The following ZCCHC4 variants were observed in gnomAD, a reference collection of about 807,000 sequenced individuals.
ZCCHC4 encodes zinc finger CCHC-type containing 4.
ZCCHC4 carries 54 observed loss-of-function variants against 67.7 expected under a neutral mutation model. The observed-to-expected ratio is 0.80, with a 90% CI of 0.64 to 1.00. The LOEUF is 1.00. Ranked by LOEUF, ZCCHC4 falls within the 50% of genes least tolerant of loss-of-function variation. The pLI is 0.00. For missense variants in ZCCHC4, 609 were observed against 617.0 expected (o/e 0.99, Z 0.14); for synonymous variants, 198 against 213.5 (o/e 0.93, Z 0.63).
chr4:25,360,835 G>A (rs1036701853), intron 8 of ZCCHC4, among the ~76,000 whole-genome samples: 1 of 152,184 alleles, frequency 6.6e-6, no homozygotes, highest in Non-Finnish European at 1.5e-5. Context: ...TAGCCAAGGT[G>A]CTACTGCTGC....
rs940941398 is a variant in ZCCHC4, at chr4:25,327,672, G to T, written c.330-5511G>T. 5.3e-5 allele frequency among the ~76,000 whole-genome samples: 8 copies of T among 152,026 alleles called. No homozygotes were observed. The East Asian group carries it at 1.5e-3, about 29-fold the overall frequency. On this transcript the variant is annotated intron_variant, in intron 3 of 12. Transcript: ENST00000302874. ...TTTTTTTACTTTTTGAAGAGATGAGGATCTTACTGTGTTGCCCAGGCAGGT... is the reference window on the plus strand; with the variant it reads ...TTTTTTTACTTTTTGAAGAGATGAGTATCTTACTGTGTTGCCCAGGCAGGT...
chr4:25,335,289 A>AT (rs1190896888), intron 5 of ZCCHC4, among the ~76,000 whole-genome samples: 1 of 152,172 alleles, frequency 6.6e-6, no homozygotes, highest in African/African-American at 2.4e-5. Context: ...CCTACTAAAA[A>AT]TAAAAAAAAT....
intron 5 of ZCCHC4, among the ~76,000 whole-genome samples, chr4:25,340,667 A>G (rs1338678135): frequency 6.6e-6 from 1 of 152,178 alleles, no homozygotes; most frequent in African/African-American, 2.4e-5. Context: ...ATTTCTTTAA[A>G]TGATATTTTG....
chr4:25,351,628 C>G lies in ZCCHC4; in HGVS notation c.950C>G (p.Pro317Arg). 6.2e-7 allele frequency: 1 copy of G among 1,611,994 alleles called. No homozygotes were observed. Among genetic ancestry groups the G allele is most frequent in the South Asian group, 1.1e-5 (1 of 90,854 alleles). The change falls in exon 8 of 13, where the codon CCC becomes CGC. Residue 317 changes from proline to arginine, a missense_variant. By Grantham distance (103) the Pro-to-Arg change is moderately radical (BLOSUM62 -2). Transcript: ENST00000302874. Reference sequence around the variant, plus strand: ...GAACTACCCATTTTCTGGATTTTCCCCTATTTTTTTGAATCCCGAATTTGT... The same window carrying G: ...GAACTACCCATTTTCTGGATTTTCCGCTATTTTTTTGAATCCCGAATTTGT... The part of the protein sequence containing the change: ...HKELPIFWIF[P>R]YFFESRICQF...
intron 3 of ZCCHC4, among the ~76,000 whole-genome samples, chr4:25,318,707 T>A (rs1464891455): frequency 2.0e-5 from 3 of 152,148 alleles, no homozygotes; most frequent in Admixed American, 1.3e-4. Flanking sequence ...TTGATAAAAA[T>A]TTTTTTGAAA....
intron 3 of ZCCHC4, among the ~76,000 whole-genome samples, chr4:25,328,158 A>T (rs1718988406): frequency 1.3e-5 from 2 of 152,080 alleles, no homozygotes; most frequent in Admixed American, 1.3e-4. Context: ...ATTGGTATTG[A>T]CCCAATGTCA....
intron 12 of ZCCHC4, 137 bp downstream of exon 12, chr4:25,365,303 G>C: frequency 6.9e-7 from 1 of 1,442,426 alleles, no homozygotes; most frequent in African/African-American, 1.4e-5. Context: ...TGGCTGCATA[G>C]ATGGATGGAG....
intron 10 of ZCCHC4, among the ~76,000 whole-genome samples, chr4:25,363,825 T>C (rs1720845562): frequency 6.6e-6 from 1 of 152,100 alleles, no homozygotes; most frequent in African/African-American, 2.4e-5. Context: ...AGCTAGGAAA[T>C]GACAGTCACA....
chr4:25,342,968 G>A (rs1719826983), intron 5 of ZCCHC4, among the ~76,000 whole-genome samples: 1 of 152,080 alleles, frequency 6.6e-6, no homozygotes, highest in Non-Finnish European at 1.5e-5. Flanking sequence ...AAAAATGACT[G>A]TTGTATCTTT....
chr4:25,351,743 A>AATAG, intron 8 of ZCCHC4, 54 bp downstream of exon 8: 1 of 1,419,330 alleles, frequency 7.0e-7, no homozygotes, highest in Non-Finnish European at 9.8e-7. Flanking sequence ...ATTCTACTTG[A>AATAG]ATAGATATAA....
In ZCCHC4 at chr4:25,364,524, T is replaced by G. The variant is rs769530229; in HGVS notation, c.1261+19T>G. On this transcript the variant is annotated intron_variant, in intron 11 of 12. Transcript: ENST00000302874. Reference sequence around the variant, plus strand: ...AAGCCTTGTAAGTATTGAGACTTAGTGTTTGAGATCCTATGAACATATTTT... The same window carrying G: ...AAGCCTTGTAAGTATTGAGACTTAGGGTTTGAGATCCTATGAACATATTTT... 2.0e-5 allele frequency: 31 copies of G among 1,543,754 alleles called. No individual in the cohort carries two copies. The highest frequency in any genetic ancestry group is 8.7e-7 in the Non-Finnish European group (1 of 1,146,026).
intron 3 of ZCCHC4, among the ~76,000 whole-genome samples, chr4:25,321,272 G>T: frequency 1.4e-5 from 2 of 145,742 alleles, no homozygotes; most frequent in East Asian, 4.0e-4. Flanking sequence ...TCTTTTTTTG[G>T]AGGCAGAGTT....
At chr4:25,348,556 C>G (rs998463730) in intron 6 of ZCCHC4, among the ~76,000 whole-genome samples, 2 of 152,098 alleles carry the variant, frequency 1.3e-5, no homozygotes, top group African/African-American at 2.4e-5. Flanking sequence ...ATTCCCTAAA[C>G]CATAGAGTCT....
chr4:25,313,021 T>C (rs1718039299), intron 1 of ZCCHC4, 85 bp downstream of exon 1: 3 of 1,546,176 alleles, frequency 1.9e-6, no homozygotes, highest in Admixed American at 1.9e-5. Context: ...CTCCTGTATT[T>C]TTACCCGCCT....
At chr4:25,333,883 C>A in intron 4 of ZCCHC4, 25 bp from the exon 5 acceptor site, 1 of 1,513,006 alleles carries the variant, frequency 6.6e-7, no homozygotes, top group Non-Finnish European at 8.9e-7. Flanking sequence ...TATCTTATTA[C>A]ATTTGCTTTC....
chr4:25,314,919 T>C (rs912125958), intron 2 of ZCCHC4, among the ~76,000 whole-genome samples: 4 of 152,216 alleles, frequency 2.6e-5, no homozygotes, highest in African/African-American at 4.8e-5. Flanking sequence ...CTTAGAGATA[T>C]AGTCATGAGC....
rs1160223730 is a variant in ZCCHC4, at chr4:25,351,639, G to C, written c.961G>C (p.Glu321Gln). The C allele has an allele frequency of 6.2e-7, 1 of 1,611,370 alleles. No homozygotes were observed. Among genetic ancestry groups the C allele is most frequent in the Admixed American group, 1.7e-5 (1 of 59,782 alleles). The change falls in exon 8 of 13, where the codon GAA becomes CAA. Residue 321 changes from glutamate to glutamine, a missense_variant. Glu to Gln is a conservative substitution (Grantham distance 29). Coordinates refer to ENST00000302874, the MANE Select transcript of ZCCHC4 (RefSeq NM_024936.3). ...PIFWIFPYFF[E>Q]SRICQFFPSF... is the part of the protein sequence containing the mutation. Reference sequence around the variant, plus strand: ...TTTCTGGATTTTCCCCTATTTTTTTGAATCCCGAATTTGTCAGTTTTTTCC... The same window carrying C: ...TTTCTGGATTTTCCCCTATTTTTTTCAATCCCGAATTTGTCAGTTTTTTCC...
chr4:25,342,388 T>C (rs1437417168), intron 5 of ZCCHC4, among the ~76,000 whole-genome samples: 3 of 152,186 alleles, frequency 2.0e-5, no homozygotes, highest in African/African-American at 7.2e-5. Flanking sequence ...AACTCCAGTG[T>C]TCTCTATAAA....
intron 3 of ZCCHC4, among the ~76,000 whole-genome samples, chr4:25,328,688 C>A (rs993268051): frequency 2.6e-5 from 4 of 151,978 alleles, no homozygotes; most frequent in Non-Finnish European, 5.9e-5. Flanking sequence ...CTCGAGCAGT[C>A]CCCCCACCTC....
Sources: gnomAD v4.1 joint callset for allele counts (sites outside exome capture counted in the v4.1 genomes callset) on GRCh38, gnomAD v4.1.1 for gene constraint, MANE v1.5 for transcripts, NCBI Gene and HGNC (gene_info 2026-07-23, HGNC 2026-07-21) for gene names.